The following TMEM74 variants were observed in gnomAD, a reference collection of about 807,000 sequenced individuals.
The protein encoded by TMEM74 is transmembrane protein 74.
Under a neutral mutation model 18.1 loss-of-function variants are expected in TMEM74, and 13 were observed. The ratio of observed to expected loss-of-function variants is 0.72; its 90% CI spans 0.47 to 1.14. The LOEUF (loss-of-function observed/expected upper bound fraction) is 1.14, where lower values mean the gene tolerates loss of function less well. Ranked by LOEUF, TMEM74 falls within the 50% of genes most tolerant of loss-of-function variation. The pLI is 0.00. For missense variants in TMEM74, 372 were observed against 375.9 expected (o/e 0.99, Z 0.09); for synonymous variants, 159 against 146.6 (o/e 1.08, Z -0.61).
intron 1 of TMEM74, among the ~76,000 whole-genome samples, chr8:108,730,557 A>T (rs1036079658): frequency 8.6e-5 from 13 of 151,538 alleles, no homozygotes; most frequent in African/African-American, 3.2e-4. Flanking sequence ...TTACTCATTT[A>T]TATATTTATT....
intron 1 of TMEM74, among the ~76,000 whole-genome samples, chr8:108,676,257 A>G (rs188122208): frequency 6.5e-4 from 99 of 152,248 alleles, no homozygotes; most frequent in Admixed American, 2.1e-3. Flanking sequence ...ACTCCACCCA[A>G]CACCCCTAAG....
chr8:108,735,935 A>G (rs925554671), intron 1 of TMEM74, among the ~76,000 whole-genome samples: 2 of 151,768 alleles, frequency 1.3e-5, no homozygotes, highest in Admixed American at 1.3e-4. Flanking sequence ...TACATACCCC[A>G]TGGCTTATTA....
At chr8:108,633,747 C>T (rs1051435072) in intron 2 of TMEM74, among the ~76,000 whole-genome samples, 3 of 151,940 alleles carry the variant, frequency 2.0e-5, no homozygotes, top group African/African-American at 4.8e-5. Context: ...ATACTGATTT[C>T]CAAATGCTCT....
At chr8:108,767,754 C>T (rs1003886253) in intron 1 of TMEM74, among the ~76,000 whole-genome samples, 1 of 151,978 alleles carries the variant, frequency 6.6e-6, no homozygotes, top group Admixed American at 6.6e-5. Context: ...CTTATATTTT[C>T]TTCTCTTTCT....
intron 1 of TMEM74, among the ~76,000 whole-genome samples, chr8:108,701,703 A>G (rs940191476): frequency 6.6e-6 from 1 of 152,180 alleles, no homozygotes; most frequent in Non-Finnish European, 1.5e-5. Context: ...AACAAAATCT[A>G]TGTGAGGAAA....
At chr8:108,761,487 T>TG (rs1814043397) in intron 1 of TMEM74, among the ~76,000 whole-genome samples, 2 of 152,236 alleles carry the variant, frequency 1.3e-5, no homozygotes, top group South Asian at 4.1e-4. Context: ...ACCTAGGCCA[T>TG]GTCTGAAACA....
intron 1 of TMEM74, among the ~76,000 whole-genome samples, chr8:108,730,634 C>CTTTTTTTTTT (rs1199122765): frequency 1.7e-4 from 22 of 132,166 alleles, no homozygotes; most frequent in African/African-American, 6.7e-4. Context: ...TGCAGACTTC[C>CTTTTTTTTTT]TTTTTTTTTT....
chr8:108,759,359 G>A (rs144553082), intron 1 of TMEM74, among the ~76,000 whole-genome samples: 10 of 152,060 alleles, frequency 6.6e-5, no homozygotes, highest in African/African-American at 2.4e-4. Flanking sequence ...AACGTAAAAT[G>A]CATATACCTA....
intron 1 of TMEM74, among the ~76,000 whole-genome samples, chr8:108,656,101 G>A (rs549040885): frequency 2.6e-5 from 4 of 152,248 alleles, no homozygotes; most frequent in South Asian, 2.1e-4. Context: ...CCCTCTCAGC[G>A]GTTTACTTTC....
At chr8:108,703,140 G>A (rs1813353391) in intron 1 of TMEM74, among the ~76,000 whole-genome samples, 1 of 152,088 alleles carries the variant, frequency 6.6e-6, no homozygotes, top group South Asian at 2.1e-4. Flanking sequence ...AAGTTCCTAT[G>A]TCCCTCCCAA....
intron 1 of TMEM74, among the ~76,000 whole-genome samples, chr8:108,724,435 T>C (rs752819249): frequency 1.3e-5 from 2 of 152,176 alleles, no homozygotes; most frequent in African/African-American, 2.4e-5. Context: ...TATGGCTAGA[T>C]ACAGATGGTG....
Position 108,780,679 on chromosome 8 carries a change from A to G in TMEM74, c.*3502T>C, listed in dbSNP as rs1015771758. Among the ~76,000 whole-genome samples, 1 of 152,176 alleles carries G rather than the reference A, an allele frequency of 6.6e-6. No individual in the cohort carries two copies. The highest frequency in any genetic ancestry group is 2.1e-4 in the South Asian group (1 of 4,832). On this transcript the variant is annotated 3_prime_UTR_variant, in exon 2 of 2. Coordinates refer to ENST00000297459, the MANE Select transcript of TMEM74 (RefSeq NM_153015.3). ...AGACAGCAAAGCATGTGATGATATC[A>G]AGGCAAGTAACTTGATAGAACAGAA... is the stretch of plus-strand genomic sequence containing the variant.
intron 2 of TMEM74, among the ~76,000 whole-genome samples, chr8:108,635,688 A>C (rs1812600356): frequency 1.3e-5 from 2 of 152,090 alleles, no homozygotes; most frequent in South Asian, 4.1e-4. Flanking sequence ...ATTAAAACCA[A>C]AAATCTCAGC....
intron 1 of TMEM74, among the ~76,000 whole-genome samples, chr8:108,727,636 G>C (rs1334976717): frequency 6.6e-6 from 1 of 152,172 alleles, no homozygotes; most frequent in African/African-American, 2.4e-5. Flanking sequence ...TGGGAAAGCA[G>C]TTTGATATGA....
rs370929233 is a variant in TMEM74 at position 108,624,927 on chromosome 8, A to T, written n.265-16101T>A. Among the ~76,000 whole-genome samples, 382 of 152,136 alleles carry T rather than the reference A, an allele frequency of 2.5e-3. 2 individuals carry two copies. Among genetic ancestry groups the T allele is most frequent in the African/African-American group, 8.8e-3 (366 of 41,526 alleles). On this transcript the variant is annotated intron_variant and non_coding_transcript_variant, in intron 2 of 3. Transcript: ENST00000518838. Reference sequence around the variant, plus strand: ...TTTAAAGTACCAGAAAAAGATAGAGATAATGTATTAGCTAAATGTAGGAAG... The same window carrying T: ...TTTAAAGTACCAGAAAAAGATAGAGTTAATGTATTAGCTAAATGTAGGAAG...
intron 1 of TMEM74, among the ~76,000 whole-genome samples, chr8:108,691,186 C>T (rs1039273819): frequency 2.6e-5 from 4 of 152,170 alleles, no homozygotes; most frequent in Non-Finnish European, 5.9e-5. Flanking sequence ...ATTTGCTTCC[C>T]TTCTGGCTGG....
chr8:108,732,561 A>G (rs1221337117), intron 1 of TMEM74, among the ~76,000 whole-genome samples: 1 of 152,150 alleles, frequency 6.6e-6, no homozygotes, highest in Non-Finnish European at 1.5e-5. Flanking sequence ...AAAATATAGA[A>G]TCTAGAAATA....
intron 1 of TMEM74, among the ~76,000 whole-genome samples, chr8:108,757,154 T>C (rs1328410751): frequency 1.3e-5 from 2 of 152,094 alleles, no homozygotes; most frequent in African/African-American, 4.8e-5. Context: ...ATTTGAGGTC[T>C]ACAAGCTAAG....
intron 1 of TMEM74, among the ~76,000 whole-genome samples, chr8:108,691,975 C>T (rs554780582): frequency 3.0e-4 from 45 of 152,134 alleles, no homozygotes; most frequent in East Asian, 2.1e-3. Flanking sequence ...GAGGAATATA[C>T]GTTGAGTGAA....
Sources: allele counts gnomAD v4.1 joint callset (sites outside exome capture counted in the v4.1 genomes callset), GRCh38; gene constraint gnomAD v4.1.1; transcripts MANE v1.5; gene names NCBI Gene and HGNC (gene_info 2026-07-23, HGNC 2026-07-21).